PLCB1: variants seen among roughly 807,000 people sequenced by gnomAD.
The protein encoded by PLCB1 is 1-phosphatidylinositol 4,5-bisphosphate phosphodiesterase beta-1.
In PLCB1, 46 loss-of-function variants were observed where a neutral mutation model predicts 161.8. The observed-to-expected ratio is 0.28, with a 90% CI of 0.22 to 0.36. PLCB1 has a LOEUF of 0.36. Among genes scored for constraint, PLCB1 ranks in the 10% least tolerant of loss-of-function variants. PLCB1 has a pLI of 1.00. For missense variants in PLCB1, 1,016 were observed against 1,472.5 expected (o/e 0.69, Z 5.07); for synonymous variants, 517 against 503.7 (o/e 1.03, Z -0.35).
chr20:8,173,299 C>T (rs1476256546), intron 2 of PLCB1, among the ~76,000 whole-genome samples: 1 of 152,138 alleles, frequency 6.6e-6, no homozygotes. Flanking sequence ...TATTTGTCTC[C>T]ATAGACCCAA....
intron 3 of PLCB1, among the ~76,000 whole-genome samples, chr20:8,427,933 A>G (rs1016614026): frequency 2.6e-5 from 4 of 152,322 alleles, no homozygotes; most frequent in East Asian, 1.9e-4. Flanking sequence ...ATGTGATTCT[A>G]GAACAATACA....
chr20:8,699,741 A>T (rs1990657394), intron 11 of PLCB1, among the ~76,000 whole-genome samples: 1 of 152,244 alleles, frequency 6.6e-6, no homozygotes, highest in South Asian at 2.1e-4. Context: ...CAGTAATATC[A>T]TTCACACCTA....
At chr20:8,338,427 A>G (rs1048476454) in intron 2 of PLCB1, among the ~76,000 whole-genome samples, 2 of 152,146 alleles carry the variant, frequency 1.3e-5, no homozygotes, top group African/African-American at 4.8e-5. Context: ...TGGTACCAAG[A>G]TAATTGTTAA....
intron 1 of PLCB1, among the ~76,000 whole-genome samples, chr20:8,148,111 G>A (rs2051473324): frequency 6.6e-6 from 1 of 152,012 alleles, no homozygotes; most frequent in African/African-American, 2.4e-5. Flanking sequence ...AAAAGAAACT[G>A]ACCTGAAAAA....
At chr20:8,837,673 C>T (rs934866871) in intron 31 of PLCB1, among the ~76,000 whole-genome samples, 2 of 152,126 alleles carry the variant, frequency 1.3e-5, no homozygotes, top group Non-Finnish European at 2.9e-5. Flanking sequence ...AAGAATGACT[C>T]ACTCACATTG....
At chr20:8,727,164 A>G (rs1182223835) in intron 16 of PLCB1, 145 bp from the exon 17 acceptor site, 2 of 551,846 alleles carry the variant, frequency 3.6e-6, no homozygotes, top group Non-Finnish European at 6.4e-6. Context: ...ACTAGAAAAA[A>G]AAATTAAATA....
chr20:8,662,491 T>A (rs960979698), intron 9 of PLCB1, among the ~76,000 whole-genome samples: 129 of 141,502 alleles, frequency 9.1e-4, no homozygotes, highest in African/African-American at 3.2e-3. Context: ...TATAATTTTT[T>A]ATTATATAAT....
chr20:8,239,469 TGGATAAATTAGAGAGA>T (rs1378745633), intron 2 of PLCB1, among the ~76,000 whole-genome samples: 1 of 151,936 alleles, frequency 6.6e-6, no homozygotes, highest in African/African-American at 2.4e-5. Context: ...GTGGTGGGTG[TGGATAAATTAGAGAGA>T]GTACCAAATG....
intron 3 of PLCB1, among the ~76,000 whole-genome samples, chr20:8,454,290 C>T (rs139848249): frequency 6.6e-6 from 1 of 152,256 alleles, no homozygotes; most frequent in African/African-American, 2.4e-5. Context: ...GGAGAAGTAG[C>T]CAGGATCCAG....
chr20:8,749,969 AAAAC>A (rs1450657907), intron 23 of PLCB1, among the ~76,000 whole-genome samples: 1 of 152,158 alleles, frequency 6.6e-6, no homozygotes, highest in Non-Finnish European at 1.5e-5. Context: ...TTTTTTTAAA[AAAAC>A]CCAACTATGT....
rs531168756 is a variant in PLCB1, at chr20:8,268,291, T to G, written c.178-103091T>G. Among the ~76,000 whole-genome samples the G allele has an allele frequency of 9.3e-3, 1,418 of 152,254 alleles. 13 individuals are homozygous for G. The highest frequency in any genetic ancestry group is 0.044 in the Middle Eastern group (13 of 294). On this transcript the variant is annotated intron_variant, in intron 2 of 31. Transcript: ENST00000338037. ...TTCATCCATGTCCCTACAAAGGACA[T>G]GAACTCATCCTTTTTTATGGCTGCA...
intron 3 of PLCB1, among the ~76,000 whole-genome samples, chr20:8,541,605 A>AAAGAAAGAAAGAAATAAAGG (rs796318352): frequency 6.7e-6 from 1 of 149,876 alleles, no homozygotes; most frequent in Non-Finnish European, 1.5e-5. Flanking sequence ...AGAAAGAAAG[A>AAAGAAAGAAAGAAATAAAGG]AAGGAAGGAA....
chr20:8,307,695 T>C (rs999513870), intron 2 of PLCB1, among the ~76,000 whole-genome samples: 2 of 151,878 alleles, frequency 1.3e-5, no homozygotes, highest in African/African-American at 2.4e-5. Flanking sequence ...CCGAGGTGGG[T>C]GGATCACCTG....
At position 8,789,679 on chromosome 20, in the gene PLCB1, T is replaced by A. The variant is rs1195704632; in HGVS notation, c.3336+104T>A. 12 of 849,952 alleles carry A rather than the reference T, an allele frequency of 1.4e-5. No individual in the cohort carries two copies. In the East Asian group the frequency reaches 2.9e-4, roughly 21 times the overall value. The allele number at this position is 849,952 out of a possible 1,614,324, so 52.7% of individuals were successfully genotyped here. ...AAATGTCATGCCTTGCCATAACTTT[T>A]TATCACTAGCACCTAGCAGAGCTGT... is the stretch of plus-strand genomic sequence containing the variant. On this transcript the variant is annotated intron_variant, in intron 30 of 31. Coordinates refer to ENST00000338037, the MANE Select transcript of PLCB1 (RefSeq NM_015192.4).
intron 9 of PLCB1, among the ~76,000 whole-genome samples, chr20:8,678,393 T>C (rs905063466): frequency 6.6e-6 from 1 of 152,126 alleles, no homozygotes; most frequent in African/African-American, 2.4e-5. Flanking sequence ...AAAATAGCAA[T>C]ACATGCGTAT....
chr20:8,181,509 A>G (rs2051843559), intron 2 of PLCB1, among the ~76,000 whole-genome samples: 1 of 152,192 alleles, frequency 6.6e-6, no homozygotes, highest in Non-Finnish European at 1.5e-5. Context: ...AATAGCTGAA[A>G]CCAGAGGTAG....
intron 2 of PLCB1, among the ~76,000 whole-genome samples, chr20:8,355,236 AG>A (rs1328233129): frequency 5.3e-5 from 8 of 152,190 alleles, no homozygotes; most frequent in Admixed American, 2.0e-4. Context: ...AAAAAAAAAA[AG>A]AAAGAAAGAA....
At chr20:8,621,115 T>C (rs1387289274) in intron 3 of PLCB1, among the ~76,000 whole-genome samples, 1 of 152,224 alleles carries the variant, frequency 6.6e-6, no homozygotes, top group African/African-American at 2.4e-5. Flanking sequence ...GTCATTATGA[T>C]AGCTAGAAGC....
chr20:8,213,607 A>AT (rs1978950199), intron 2 of PLCB1, among the ~76,000 whole-genome samples: 2 of 152,022 alleles, frequency 1.3e-5, no homozygotes, highest in East Asian at 3.9e-4. Flanking sequence ...TCTGTTGTGC[A>AT]TTTTTTGTTA....
Sources: allele counts gnomAD v4.1 joint callset (sites outside exome capture counted in the v4.1 genomes callset), GRCh38; gene constraint gnomAD v4.1.1; transcripts MANE v1.5; gene names NCBI Gene and HGNC (gene_info 2026-07-23, HGNC 2026-07-21).